Variants in ATAD2B observed in about 807,000 individuals in gnomAD.
The protein encoded by ATAD2B is ATPase family AAA domain-containing protein 2B.
A neutral mutation model predicts 167.6 loss-of-function variants in ATAD2B; 40 were observed. That is an observed-to-expected ratio of 0.24 (90% confidence interval 0.19 to 0.31). ATAD2B has a LOEUF of 0.31. Ranked by LOEUF, ATAD2B falls within the 10% of genes least tolerant of loss-of-function variation. ATAD2B has a pLI of 1.00. For synonymous variants in ATAD2B, 579 were observed against 596.5 expected (o/e 0.97, Z 0.43); for missense variants, 1,242 against 1,757.2 (o/e 0.71, Z 5.24).
the ATAD2B span, among the ~76,000 whole-genome samples, chr2:23,727,190 G>T: frequency 6.6e-6 from 1 of 152,112 alleles, no homozygotes; most frequent in Non-Finnish European, 1.5e-5. Context: ...TGCAAAATAT[G>T]TATGTGATAA....
At chr2:23,708,769 G>A in the ATAD2B span, among the ~76,000 whole-genome samples, 4 of 152,196 alleles carry the variant, frequency 2.6e-5, no homozygotes, top group African/African-American at 9.7e-5. Context: ...GTTTAGAGTT[G>A]AAAAGCCAAG....
rs1464564217 is a variant in ATAD2B at position 23,870,138 on chromosome 2, C to T, written c.978-377G>A. ...AGAAGAATTGCTTGAACCCGGGAGG[C>T]GGAGGTTGCAGTGAGCTGAGATTGC... is the stretch of plus-strand genomic sequence containing the variant. On this transcript the variant is annotated intron_variant, in intron 8 of 27. Transcript: ENST00000238789. 4.1e-5 allele frequency among the ~76,000 whole-genome samples: 6 copies of T among 147,712 alleles called. No homozygotes were observed. The East Asian group carries it at 1.0e-3, about 25-fold the overall frequency.
the ATAD2B span, among the ~76,000 whole-genome samples, chr2:23,702,724 C>A: frequency 6.6e-6 from 1 of 152,208 alleles, no homozygotes; most frequent in Admixed American, 6.5e-5. Flanking sequence ...TGTAATTATT[C>A]TTTGTGTGTT....
In ATAD2B at chr2:23,767,689, T is replaced by C. The variant is rs531405530; in HGVS notation, c.3134-2061A>G. ...CAGGGAGCATAGTCACTAGGCTTTATTTTAGTGAGAGAGGATGATGACTTG... is the reference window on the plus strand; with the variant it reads ...CAGGGAGCATAGTCACTAGGCTTTACTTTAGTGAGAGAGGATGATGACTTG... On this transcript the variant is annotated intron_variant, in intron 22 of 27. Transcript: ENST00000238789. Among the ~76,000 whole-genome samples, 10 of 152,250 alleles carry C rather than the reference T, an allele frequency of 6.6e-5. 1 individual carries two copies. In the South Asian group the frequency reaches 2.1e-3, roughly 32 times the overall value.
chr2:23,836,576 G>A (rs1400410067), intron 13 of ATAD2B, among the ~76,000 whole-genome samples: 1 of 152,220 alleles, frequency 6.6e-6, no homozygotes, highest in Non-Finnish European at 1.5e-5. Context: ...AGTGGAGGGT[G>A]AGCAAGGCGA....
intron 12 of ATAD2B, among the ~76,000 whole-genome samples, chr2:23,862,401 G>GTTTTTTTTTTTTTTTTT (rs750865073): frequency 2.0e-5 from 2 of 99,440 alleles, no homozygotes; most frequent in African/African-American, 7.9e-5. Flanking sequence ...ATTTGGACTG[G>GTTTTTTTTTTTTTTTTT]TTTTTTTTTT....
At chr2:23,814,011 G>A (rs1686039050) in intron 17 of ATAD2B, among the ~76,000 whole-genome samples, 1 of 152,112 alleles carries the variant, frequency 6.6e-6, no homozygotes, top group African/African-American at 2.4e-5. Flanking sequence ...CCAGCTACTT[G>A]GGAGGCTGAG....
At chr2:23,773,035 C>T (rs1678572628) in intron 22 of ATAD2B, among the ~76,000 whole-genome samples, 1 of 152,186 alleles carries the variant, frequency 6.6e-6, no homozygotes, top group Admixed American at 6.5e-5. Context: ...GGCCACTGTG[C>T]CGGGCCAAGG....
At chr2:23,825,159 G>A (rs1276594959) in intron 15 of ATAD2B, among the ~76,000 whole-genome samples, 1 of 145,450 alleles carries the variant, frequency 6.9e-6, no homozygotes, top group Non-Finnish European at 1.5e-5. Flanking sequence ...CTTTGTCCAG[G>A]CTGGTCTCAA....
chr2:23,818,111 ACACACAC>A (rs1558590780), intron 17 of ATAD2B, among the ~76,000 whole-genome samples: 2 of 130,184 alleles, frequency 1.5e-5, no homozygotes, highest in East Asian at 4.1e-4. Flanking sequence ...ACACACACAC[ACACACAC>A]ACATTACACA....
the ATAD2B span, chr2:23,703,677 A>G: frequency 6.7e-7 from 1 of 1,503,456 alleles, no homozygotes; most frequent in Admixed American, 2.2e-5. Flanking sequence ...AGGGAAGTCC[A>G]AGACAAGCTG....
chr2:23,772,092 A>G (rs984875116), intron 22 of ATAD2B, among the ~76,000 whole-genome samples: 5 of 152,014 alleles, frequency 3.3e-5, no homozygotes, highest in African/African-American at 1.2e-4. Context: ...CTGGTGTCCA[A>G]TGCCTTCCAA....
At chr2:23,797,742 T>C (rs1375275575) in intron 19 of ATAD2B, among the ~76,000 whole-genome samples, 1 of 152,178 alleles carries the variant, frequency 6.6e-6, no homozygotes, top group Non-Finnish European at 1.5e-5. Context: ...TTTTATACAA[T>C]GTTTTTAATA....
Position 23,823,313 on chromosome 2 carries a change from T to C in ATAD2B, c.2076A>G (p.Ala692=), listed in dbSNP as rs776684098. 17 of 1,613,636 alleles carry C rather than the reference T, an allele frequency of 1.1e-5. No individual in the cohort carries two copies. The highest frequency in any genetic ancestry group is 1.4e-5 in the Non-Finnish European group (17 of 1,179,746). ...LLERSFNNIL[A]VLQKVFPHAE... Reference sequence around the variant, plus strand: ...CATGAGGAAACACTTTTTGCAAGACTGCTAGGATGTTGTTGAAGCTTCTTT... The same window carrying C: ...CATGAGGAAACACTTTTTGCAAGACCGCTAGGATGTTGTTGAAGCTTCTTT... Residue 692 remains alanine (A), a synonymous_variant, in exon 16 of 28, where the codon GCA becomes GCG. Transcript: ENST00000238789.
At chr2:23,921,910 T>C (rs1423937920) in intron 1 of ATAD2B, among the ~76,000 whole-genome samples, 8 of 152,214 alleles carry the variant, frequency 5.3e-5, no homozygotes, top group Admixed American at 1.3e-4. Flanking sequence ...GAGATTTCCC[T>C]CTCAGACTTC....
At chr2:23,760,866 A>T (rs774023536) in intron 24 of ATAD2B, among the ~76,000 whole-genome samples, 49 of 152,038 alleles carry the variant, frequency 3.2e-4, no homozygotes, top group Middle Eastern at 3.4e-3. Flanking sequence ...TGTTTCCAAA[A>T]CTAAGGCCTT....
chr2:23,695,817 T>C, the ATAD2B span: 1 of 1,548,466 alleles, frequency 6.5e-7, no homozygotes, highest in East Asian at 2.4e-5. This position sits in a 1 kb window ranked among gnomAD's most constrained non-coding sequence, Gnocchi z 7.6. Flanking sequence ...CGCGCCTCTC[T>C]GCAGGTATGA....
At chr2:23,760,925 A>G (rs1454747587) in intron 24 of ATAD2B, among the ~76,000 whole-genome samples, 1 of 152,148 alleles carries the variant, frequency 6.6e-6, no homozygotes, top group African/African-American at 2.4e-5. Flanking sequence ...ATTTAAGTTA[A>G]TGTAAAACAG....
At chr2:23,781,239 C>T (rs1679989843) in intron 22 of ATAD2B, among the ~76,000 whole-genome samples, 1 of 151,980 alleles carries the variant, frequency 6.6e-6, no homozygotes, top group Non-Finnish European at 1.5e-5. Context: ...GACAAGGCCA[C>T]CCTGTGCTCA....
Sources: gnomAD v4.1 joint callset for allele counts (sites outside exome capture counted in the v4.1 genomes callset) on GRCh38, gnomAD v4.1.1 for gene constraint, Gnocchi (gnomAD v3.1) non-coding constraint, MANE v1.5 for transcripts, NCBI Gene and HGNC (gene_info 2026-07-23, HGNC 2026-07-21) for gene names.